The following NRXN3 variants were observed in gnomAD, a reference collection of about 807,000 sequenced individuals.
NRXN3 encodes the protein neurexin 3, also known as neurexin III.
NRXN3 carries 32 observed loss-of-function variants against 137.6 expected under a neutral mutation model. That is an observed-to-expected ratio of 0.23 (90% CI 0.18 to 0.31). The LOEUF is 0.31. Ranked by LOEUF, NRXN3 falls within the 10% of genes least tolerant of loss-of-function variation. NRXN3 has a pLI of 1.00. For missense variants in NRXN3, 1,574 were observed against 2,062.5 expected, an observed-to-expected ratio of 0.76 and a Z score of 4.59; for synonymous variants, 798 against 784.5, an observed-to-expected ratio of 1.02 and a Z score of -0.29.
At chr14:79,425,327 T>C (rs1265715221) in intron 15 of NRXN3, among the ~76,000 whole-genome samples, 2 of 152,186 alleles carry the variant, frequency 1.3e-5, no homozygotes, top group Non-Finnish European at 2.9e-5. Context: ...ATGTGGTTTG[T>C]AATATTTTAT....
intron 19 of NRXN3, among the ~76,000 whole-genome samples, chr14:79,770,882 A>C (rs879128467): frequency 1.3e-5 from 2 of 152,190 alleles, no homozygotes; most frequent in African/African-American, 4.8e-5. Context: ...CACTAGCAAG[A>C]CTAATAAAGA....
At chr14:79,437,238 G>A (rs2095859341) in intron 15 of NRXN3, among the ~76,000 whole-genome samples, 1 of 151,970 alleles carries the variant, frequency 6.6e-6, no homozygotes, top group African/African-American at 2.4e-5. Context: ...GCGCTTTCAT[G>A]CATATAGTTC....
chr14:79,813,576 C>T (rs1045834069), intron 20 of NRXN3, among the ~76,000 whole-genome samples: 12 of 152,194 alleles, frequency 7.9e-5, no homozygotes, highest in African/African-American at 2.4e-4. Flanking sequence ...AAAATCTTTT[C>T]TTGCCATCCT....
chr14:78,724,944 T>G (rs1254944112), intron 8 of NRXN3, among the ~76,000 whole-genome samples: 1 of 152,172 alleles, frequency 6.6e-6, no homozygotes, highest in Non-Finnish European at 1.5e-5. Flanking sequence ...AAGACCCCCT[T>G]CTGTGGGCTA....
At chr14:78,365,844 C>T (rs545967921) in intron 4 of NRXN3, among the ~76,000 whole-genome samples, 2 of 152,276 alleles carry the variant, frequency 1.3e-5, no homozygotes, top group Non-Finnish European at 2.9e-5. Context: ...AAAACAGATA[C>T]AAATTTCTAC....
chr14:78,679,199 A>G (rs74970262), intron 6 of NRXN3, among the ~76,000 whole-genome samples: 1,893 of 152,292 alleles, frequency 0.012, 48 homozygotes, highest in African/African-American at 0.044. Flanking sequence ...CTTTGGAGGC[A>G]TTGATTAGTA....
At chr14:79,483,928 C>T (rs1411665654) in intron 16 of NRXN3, among the ~76,000 whole-genome samples, 2 of 152,216 alleles carry the variant, frequency 1.3e-5, no homozygotes, top group African/African-American at 4.8e-5. Context: ...CTCCTATTCA[C>T]ACTCTACCAT....
At position 78,371,115 on chromosome 14, in the gene NRXN3, G is replaced by T. The variant is rs563957763; in HGVS notation, c.757+73255G>T. Among the ~76,000 whole-genome samples the T allele has an allele frequency of 1.8e-4, 27 of 152,222 alleles. No individual in the cohort carries two copies. The East Asian group carries it at 4.3e-3, about 24-fold the overall frequency. Reference sequence around the variant, plus strand: ...CCCACTCTCAAACCTGGAAACTGCCGCCCTAAATGAGAACAGTTATCCCCG... The same window carrying T: ...CCCACTCTCAAACCTGGAAACTGCCTCCCTAAATGAGAACAGTTATCCCCG... On this transcript the variant is annotated intron_variant, in intron 4 of 20. Transcript: ENST00000335750.
At position 78,243,111 on chromosome 14, in the gene NRXN3, C is replaced by A; in HGVS notation, c.18C>A (p.His6Gln). 1 of 1,533,656 alleles carries A rather than the reference C, an allele frequency of 6.5e-7. No homozygotes were observed. MSSTL[H>Q]SVFFTLKVSI... ...CAGCGACAATGAGCTCCACACTCCA[C>A]TCGGTTTTCTTCACCCTGAAGGTCA... Residue 6 changes from histidine (H) to glutamine (Q), a missense_variant, in exon 2 of 21, where the codon CAC becomes CAA. Coordinates refer to ENST00000335750, the MANE Select transcript of NRXN3 (RefSeq NM_001330195.2). This position sits in a 1 kb window ranked among gnomAD's most constrained non-coding sequence, Gnocchi z 4.2.
intron 15 of NRXN3, among the ~76,000 whole-genome samples, chr14:79,135,386 T>A (rs892017010): frequency 1.3e-5 from 2 of 152,174 alleles, no homozygotes; most frequent in African/African-American, 4.8e-5. Context: ...AAATCCTAGG[T>A]ACCTCTCCTA....
At chr14:78,919,408 A>G (rs2099265123) in intron 10 of NRXN3, among the ~76,000 whole-genome samples, 1 of 152,198 alleles carries the variant, frequency 6.6e-6, no homozygotes, top group Non-Finnish European at 1.5e-5. Flanking sequence ...TTTTCCAAGG[A>G]AAGAAATGAG....
chr14:78,398,235 AAG>A (rs1306229075), intron 4 of NRXN3, among the ~76,000 whole-genome samples: 3 of 133,160 alleles, frequency 2.3e-5, no homozygotes, highest in Non-Finnish European at 5.0e-5. Context: ...AAAAAAAAAA[AAG>A]TATGTAATTC....
intron 15 of NRXN3, among the ~76,000 whole-genome samples, chr14:78,991,542 C>T (rs1358058760): frequency 2.0e-5 from 3 of 152,122 alleles, no homozygotes; most frequent in Non-Finnish European, 2.9e-5. Flanking sequence ...GATTGATCCT[C>T]AATTAATGAA....
At chr14:79,712,381 T>A (rs2098807471) in intron 19 of NRXN3, among the ~76,000 whole-genome samples, 1 of 152,216 alleles carries the variant, frequency 6.6e-6, no homozygotes, top group Non-Finnish European at 1.5e-5. Context: ...CGCATTTCGA[T>A]TAAATAAATG....
At chr14:78,281,434 A>G (rs1225761316) in intron 3 of NRXN3, among the ~76,000 whole-genome samples, 2 of 152,202 alleles carry the variant, frequency 1.3e-5, no homozygotes, top group African/African-American at 4.8e-5. Flanking sequence ...GGAGGAGATG[A>G]GTTAGAAGTA....
chr14:79,578,342 C>T (rs942811847), intron 16 of NRXN3, among the ~76,000 whole-genome samples: 1 of 152,144 alleles, frequency 6.6e-6, no homozygotes, highest in African/African-American at 2.4e-5. Flanking sequence ...CAACAGAGCT[C>T]TCCTAAGCTT....
chr14:78,945,701 T>C (rs1597729720), intron 10 of NRXN3, among the ~76,000 whole-genome samples: 2 of 152,364 alleles, frequency 1.3e-5, no homozygotes, highest in East Asian at 3.9e-4. Context: ...TGCTCAGTTA[T>C]GCTGCAGTAA....
intron 15 of NRXN3, among the ~76,000 whole-genome samples, chr14:78,991,355 T>G (rs2099518475): frequency 6.6e-6 from 1 of 152,232 alleles, no homozygotes; most frequent in Non-Finnish European, 1.5e-5. Flanking sequence ...AATTAATTCC[T>G]GCAAAGAGAG....
At chr14:78,784,851 T>G (rs1247348564) in intron 8 of NRXN3, among the ~76,000 whole-genome samples, 1 of 151,976 alleles carries the variant, frequency 6.6e-6, no homozygotes, top group African/African-American at 2.4e-5. Context: ...CTGAGAACAT[T>G]TTAGACAAAA....
Sources: allele counts gnomAD v4.1 joint callset (sites outside exome capture counted in the v4.1 genomes callset), GRCh38; gene constraint gnomAD v4.1.1; non-coding constraint Gnocchi (gnomAD v3.1); transcripts MANE v1.5; gene names NCBI Gene and HGNC (gene_info 2026-07-23, HGNC 2026-07-21).